The following PCDHGA5 variants were observed in gnomAD, a reference collection of about 807,000 sequenced individuals.
PCDHGA5 encodes protocadherin gamma subfamily A, 5.
In PCDHGA5, 36 loss-of-function variants were observed where a neutral mutation model predicts 56.7. That is an observed-to-expected ratio of 0.64 (90% CI 0.49 to 0.84). The LOEUF (loss-of-function observed/expected upper bound fraction) is 0.84. Ranked by LOEUF, PCDHGA5 falls within the 40% of genes least tolerant of loss-of-function variation. The pLI is 0.00. For missense variants in PCDHGA5, 1,305 were observed against 1,201.5 expected, an observed-to-expected ratio of 1.09 and a Z score of -1.27; for synonymous variants, 563 against 520.2, an observed-to-expected ratio of 1.08 and a Z score of -1.12.
intron 1 of PCDHGA5, chr5:141,398,636 A>G (rs770681129): frequency 6.2e-7 from 1 of 1,614,074 alleles, no homozygotes; most frequent in Non-Finnish European, 8.5e-7. Context: ...CTGCAGAAGT[A>G]TAAACTCTCT....
chr5:141,402,209 T>A (rs2094239307), intron 1 of PCDHGA5, among the ~76,000 whole-genome samples: 1 of 152,084 alleles, frequency 6.6e-6, no homozygotes, highest in Non-Finnish European at 1.5e-5. Context: ...AATACAAAAA[T>A]TTAAAATAAA....
At chr5:141,381,294 A>C (rs1777116349) in intron 1 of PCDHGA5, among the ~76,000 whole-genome samples, 1 of 152,236 alleles carries the variant, frequency 6.6e-6, no homozygotes, top group African/African-American at 2.4e-5. Flanking sequence ...TTTATTCCAG[A>C]GCAGGTCATT....
intron 1 of PCDHGA5, chr5:141,403,040 C>T: frequency 1.2e-6 from 2 of 1,614,068 alleles, no homozygotes; most frequent in Non-Finnish European, 1.7e-6. Context: ...CAGGGCCAGT[C>T]AGATTCGCTA....
intron 1 of PCDHGA5, chr5:141,408,411 C>T (rs2095101928): frequency 1.2e-6 from 2 of 1,614,034 alleles, no homozygotes; most frequent in African/African-American, 1.3e-5. Context: ...CGAGTGAGCG[C>T]GGAGAAGCTG....
Position 141,489,699 on chromosome 5 carries a change from A to G in PCDHGA5, c.2422-5108A>G. ...CAGCAGCATCTGGGGCACGATTCCC[A>G]CTGGACAGTGCCCAGGATCCGGATG... is the stretch of plus-strand genomic sequence containing the variant. On this transcript the variant is annotated intron_variant, in intron 1 of 3. Transcript: ENST00000518069. The surrounding 1 kb of genome is among the most constrained non-coding windows in gnomAD (Gnocchi z 4.5). The G allele has an allele frequency of 6.2e-7, 1 of 1,614,102 alleles. No homozygotes were observed. The highest frequency in any genetic ancestry group is 8.5e-7 in the Non-Finnish European group (1 of 1,179,956).
rs757065593 is a variant in PCDHGA5, at chr5:141,418,576, C to G, written c.2421+51825C>G. 1.5e-5 allele frequency: 25 copies of G among 1,614,012 alleles called. No homozygotes were observed. In the South Asian group the frequency reaches 2.7e-4, roughly 18 times the overall value. On this transcript the variant is annotated intron_variant, in intron 1 of 3. Transcript: ENST00000518069. ...TGGTAATAGATGCCAATGACAACCCCCCAGTGTTCAGCCAGGACGTGTACA... is the reference window on the plus strand; with the variant it reads ...TGGTAATAGATGCCAATGACAACCCGCCAGTGTTCAGCCAGGACGTGTACA...
intron 1 of PCDHGA5, chr5:141,417,570 T>A: frequency 2.7e-6 from 1 of 373,028 alleles, no homozygotes; most frequent in Non-Finnish European, 4.7e-6. Context: ...AAAAGTCAAG[T>A]TGCAGTCCCA....
At chr5:141,423,927 T>G (rs2096791636) in intron 1 of PCDHGA5, 4 of 1,240,434 alleles carry the variant, frequency 3.2e-6, no homozygotes, top group Non-Finnish European at 4.1e-6. Flanking sequence ...TATGCTGGTT[T>G]GGTTTGAAGT....
At chr5:141,447,725 C>G (rs1009407606) in intron 1 of PCDHGA5, among the ~76,000 whole-genome samples, 4 of 152,174 alleles carry the variant, frequency 2.6e-5, no homozygotes, top group African/African-American at 9.7e-5. Context: ...TTTTCCAAAA[C>G]TCATTGAACT....
chr5:141,422,556 G>T, intron 1 of PCDHGA5: 1 of 1,613,908 alleles, frequency 6.2e-7, no homozygotes, highest in South Asian at 1.1e-5. Context: ...GGCTGAATGT[G>T]GCAGATGACA....
chr5:141,396,829 A>G (rs1216305888), intron 1 of PCDHGA5, among the ~76,000 whole-genome samples: 1 of 152,206 alleles, frequency 6.6e-6, no homozygotes, highest in African/African-American at 2.4e-5. Context: ...GTGCATATTC[A>G]GTGGAGTGGG....
chr5:141,393,272 A>G, intron 1 of PCDHGA5: 1 of 1,613,892 alleles, frequency 6.2e-7, no homozygotes, highest in Non-Finnish European at 8.5e-7. Context: ...CACGTTATCC[A>G]CTCCCAGAAG....
chr5:141,375,834 C>G lies in PCDHGA5; in HGVS notation c.2421+9083C>G, dbSNP rs1167436208. On this transcript the variant is annotated intron_variant, in intron 1 of 3. Transcript: ENST00000518069. ...GAGCTGGCGCCCCGCTCCGCAGAGC[C>G]CGGCTACCTGGTGACCAAGGTGGTG... is the stretch of plus-strand genomic sequence containing the variant. The G allele has an allele frequency of 2.1e-5, 34 of 1,614,138 alleles. No individual in the cohort carries two copies. The highest frequency in any genetic ancestry group is 2.7e-5 in the African/African-American group (2 of 75,080).
At chr5:141,448,580 TTACAAAAAGATAAAA>T (rs1484851220) in intron 1 of PCDHGA5, among the ~76,000 whole-genome samples, 1 of 152,180 alleles carries the variant, frequency 6.6e-6, no homozygotes, top group Non-Finnish European at 1.5e-5. Context: ...CCCATTTTTT[TTACAAAAAGATAAAA>T]TACTATACAC....
chr5:141,450,734 G>A (rs1365470415), intron 1 of PCDHGA5, among the ~76,000 whole-genome samples: 6 of 151,868 alleles, frequency 4.0e-5, no homozygotes, highest in South Asian at 2.1e-4. Context: ...TGATCCGCCC[G>A]CCTTGGCCTC....
At chr5:141,381,798 C>CTCTTTCTTTCTTTCTTTCTTTCTT (rs372235829) in intron 1 of PCDHGA5, among the ~76,000 whole-genome samples, 8 of 144,168 alleles carry the variant, frequency 5.5e-5, no homozygotes, top group African/African-American at 1.9e-4. Flanking sequence ...AGGCAATTCC[C>CTCTTTCTTTCTTTCTTTCTTTCTT]TCTTTCTTTC....
intron 1 of PCDHGA5, chr5:141,385,092 C>T (rs778613931): frequency 1.9e-6 from 3 of 1,614,210 alleles, no homozygotes; most frequent in Admixed American, 3.3e-5. Context: ...CAGAAGGTGG[C>T]TTGGCGAACG....
intron 1 of PCDHGA5, chr5:141,413,082 A>C: frequency 3.7e-6 from 5 of 1,344,442 alleles, no homozygotes; most frequent in Non-Finnish European, 5.1e-6. Context: ...CCCAGGCTAC[A>C]GAGACACCCT....
chr5:141,409,644 TG>T, intron 1 of PCDHGA5: 1 of 1,613,700 alleles, frequency 6.2e-7, no homozygotes, highest in Non-Finnish European at 8.5e-7. Flanking sequence ...GACCCGGATT[TG>T]GGGCTCAATG....
Sources: allele counts gnomAD v4.1 joint callset (sites outside exome capture counted in the v4.1 genomes callset), GRCh38; gene constraint gnomAD v4.1.1; non-coding constraint Gnocchi (gnomAD v3.1); transcripts MANE v1.5; gene names NCBI Gene and HGNC (gene_info 2026-07-23, HGNC 2026-07-21).